CLIC5: variants seen among roughly 807,000 people sequenced by gnomAD.
The protein encoded by CLIC5 is chloride intracellular channel protein 5.
In CLIC5, 20 loss-of-function variants were observed where a neutral mutation model predicts 24.7. The observed-to-expected ratio is 0.81, with a 90% CI of 0.57 to 1.18. The LOEUF (loss-of-function observed/expected upper bound fraction) is 1.18. CLIC5 is among the 50% of genes most tolerant of loss of function. The pLI is 0.00. For synonymous variants in CLIC5, 159 were observed against 135.6 expected (o/e 1.17, Z -1.20); for missense variants, 341 against 326.1 (o/e 1.05, Z -0.35).
At chr6:46,099,856 G>A in the CLIC5 span, among the ~76,000 whole-genome samples, 1 of 152,112 alleles carries the variant, frequency 6.6e-6, no homozygotes, top group African/African-American at 2.4e-5. Flanking sequence ...TTGTTAACAT[G>A]ACTGGCAGAA....
chr6:46,015,058 A>C (rs573006689), intron 1 of CLIC5, among the ~76,000 whole-genome samples: 1 of 152,350 alleles, frequency 6.6e-6, no homozygotes, highest in African/African-American at 2.4e-5. Flanking sequence ...GCCAAAGATC[A>C]TTGTGTCAAT....
rs1207829250 is a variant in CLIC5, at chr6:45,898,947, G to A, written c.*4141C>T. 1 of 152,172 alleles carries A rather than the reference G, an allele frequency of 6.6e-6. No homozygotes were observed. Among genetic ancestry groups the A allele is most frequent in the East Asian group, 1.9e-4 (1 of 5,192 alleles). The allele number at this position is 152,172 out of a possible 1,614,324, so 9.4% of individuals were successfully genotyped here. On this transcript the variant is annotated 3_prime_UTR_variant, in exon 6 of 6. Transcript: ENST00000339561. ...CACAGAATAGCCCAAACCTTATATTGAGGCAACGTATTTTATTTATTTTTG... is the reference window on the plus strand; with the variant it reads ...CACAGAATAGCCCAAACCTTATATTAAGGCAACGTATTTTATTTATTTTTG...
chr6:45,917,414 T>C (rs991417843), intron 4 of CLIC5, among the ~76,000 whole-genome samples: 2 of 152,200 alleles, frequency 1.3e-5, no homozygotes, highest in Non-Finnish European at 2.9e-5. Context: ...TTGGTCAATA[T>C]ATTCCTGAAT....
At chr6:46,046,208 C>T (rs1385386639) in intron 1 of CLIC5, among the ~76,000 whole-genome samples, 3 of 152,148 alleles carry the variant, frequency 2.0e-5, no homozygotes, top group East Asian at 1.9e-4. Context: ...TGTAACTTTT[C>T]CTCTTGGGGT....
At chr6:45,916,755 G>T (rs1763047308) in intron 4 of CLIC5, among the ~76,000 whole-genome samples, 1 of 152,196 alleles carries the variant, frequency 6.6e-6, no homozygotes, top group Non-Finnish European at 1.5e-5. Flanking sequence ...GAGATGGAAG[G>T]CATCAAGTCT....
At chr6:46,085,928 C>T in the CLIC5 span, among the ~76,000 whole-genome samples, 2 of 152,238 alleles carry the variant, frequency 1.3e-5, no homozygotes, top group African/African-American at 4.8e-5. Context: ...CTTTGTTTAC[C>T]TAAGCAAGCC....
chr6:46,109,556 C>T, the CLIC5 span, among the ~76,000 whole-genome samples: 3 of 125,552 alleles, frequency 2.4e-5, no homozygotes, highest in Non-Finnish European at 4.8e-5. Context: ...AAAGCTGATG[C>T]GTTCATGAGG....
intron 1 of CLIC5, among the ~76,000 whole-genome samples, chr6:45,978,886 G>C (rs938169944): frequency 2.0e-5 from 3 of 151,992 alleles, no homozygotes; most frequent in African/African-American, 7.2e-5. Context: ...GGATGCGGAG[G>C]TTGCAGTGAG....
chr6:45,975,987 C>G (rs1324757695), intron 1 of CLIC5, among the ~76,000 whole-genome samples: 1 of 152,120 alleles, frequency 6.6e-6, no homozygotes, highest in Admixed American at 6.5e-5. Context: ...GACTGGGAAT[C>G]AGAAATCCTG....
At chr6:46,092,582 GC>G in the CLIC5 span, among the ~76,000 whole-genome samples, 1 of 149,608 alleles carries the variant, frequency 6.7e-6, no homozygotes, top group South Asian at 2.1e-4. Flanking sequence ...ATAAGTAGTG[GC>G]GTATCTCTAA....
Position 45,907,351 on chromosome 6 carries a change from C to G in CLIC5, c.589-4096G>C, listed in dbSNP as rs191406757. ...ATTTATTGATTTGTGTATGTTGAAC[C>G]AACCATGCATCCTAAGAAGAAGCCT... On this transcript the variant is annotated intron_variant, in intron 5 of 5. Coordinates refer to ENST00000339561, the MANE Select transcript of CLIC5 (RefSeq NM_016929.5). Among the ~76,000 whole-genome samples the G allele has an allele frequency of 6.7e-3, 1,016 of 152,194 alleles. 8 individuals are homozygous for G. The highest frequency in any genetic ancestry group is 0.011 in the Non-Finnish European group (719 of 68,002).
chr6:45,944,760 C>T (rs1304455226), intron 3 of CLIC5, among the ~76,000 whole-genome samples: 2 of 152,068 alleles, frequency 1.3e-5, no homozygotes, highest in East Asian at 3.8e-4. Flanking sequence ...GGACTAGGCC[C>T]TGAGATTGGT....
chr6:45,910,478 C>T (rs1762785970), intron 5 of CLIC5, among the ~76,000 whole-genome samples: 1 of 152,016 alleles, frequency 6.6e-6, no homozygotes, highest in Non-Finnish European at 1.5e-5. Context: ...ACTGAAGATC[C>T]CTAGCAATGA....
rs78427118 is a variant in CLIC5, at chr6:46,045,491, C to G, written c.540+34212G>C. The stretch of plus-strand genomic sequence containing the variant: ...ACCACAGAGTGAGGGCAGAGAGTCA[C>G]TGGCCCATTCTCCATGATGCTGGTT... On this transcript the variant is annotated intron_variant, in intron 1 of 5. Transcript: ENST00000185206. Among the ~76,000 whole-genome samples, 296 of 152,264 alleles carry G rather than the reference C, an allele frequency of 1.9e-3. 8 individuals carry two copies. The East Asian group carries it at 0.054, about 28-fold the overall frequency.
At chr6:46,121,441 T>A in the CLIC5 span, among the ~76,000 whole-genome samples, 2 of 152,040 alleles carry the variant, frequency 1.3e-5, no homozygotes, top group Admixed American at 1.3e-4. Context: ...GCACTAAACA[T>A]GGAAAGGAAC....
chr6:45,897,622 TG>T (rs542049443), downstream of CLIC5, among the ~76,000 whole-genome samples: 30 of 152,182 alleles, frequency 2.0e-4, no homozygotes, highest in Non-Finnish European at 3.2e-4. Flanking sequence ...AATGAAGTGC[TG>T]TTATGACTAC....
In CLIC5 at chr6:45,942,842, C is replaced by T. The variant is rs549479068; in HGVS notation, c.300-1189G>A. ...AAGAGTCCAGCTCTCTGCTGTGAGGCAGATAAGGAAGGCATTATTGTCCTC... is the reference window on the plus strand; with the variant it reads ...AAGAGTCCAGCTCTCTGCTGTGAGGTAGATAAGGAAGGCATTATTGTCCTC... On this transcript the variant is annotated intron_variant, in intron 3 of 5. Transcript: ENST00000339561. Among the ~76,000 whole-genome samples, 4 of 152,288 alleles carry T rather than the reference C, an allele frequency of 2.6e-5. No individual in the cohort carries two copies. The South Asian group carries it at 8.3e-4, about 32-fold the overall frequency.
chr6:46,006,029 AATATATATACATGTATAAAT>A (rs1442041317), intron 1 of CLIC5, among the ~76,000 whole-genome samples: 61 of 135,214 alleles, frequency 4.5e-4, no homozygotes, highest in African/African-American at 1.5e-3. Context: ...CACATGTATA[AATATATATACATGTATAAAT>A]ATATATATAC....
At chr6:46,102,792 A>G in the CLIC5 span, 6 of 152,364 alleles carry the variant, frequency 3.9e-5, no homozygotes, top group African/African-American at 1.4e-4. Flanking sequence ...TTTAAAATGT[A>G]TTTATATGTA....
Sources: gnomAD v4.1 joint callset for allele counts (sites outside exome capture counted in the v4.1 genomes callset) on GRCh38, gnomAD v4.1.1 for gene constraint, MANE v1.5 for transcripts, NCBI Gene and HGNC (gene_info 2026-07-23, HGNC 2026-07-21) for gene names.